Variants in LEKR1 observed in about 807,000 individuals in gnomAD.
The protein encoded by LEKR1 is protein LEKR1.
Under a neutral mutation model 72.4 loss-of-function variants are expected in LEKR1, and 59 were observed. The ratio of observed to expected loss-of-function variants is 0.82; its 90% CI spans 0.66 to 1.01. The LOEUF is 1.01. LEKR1 is among the 50% of genes least tolerant of loss of function. The pLI is 0.00. For synonymous variants in LEKR1, 257 were observed against 263.2 expected (o/e 0.98, Z 0.23); for missense variants, 728 against 759.2 (o/e 0.96, Z 0.48).
At position 157,028,007 on chromosome 3, in the gene LEKR1, C is replaced by T. The variant is rs1488212937; in HGVS notation, c.1369-96C>T. On this transcript the variant is annotated intron_variant, in intron 11 of 12. Coordinates refer to ENST00000356539, the MANE Select transcript of LEKR1 (RefSeq NM_001004316.3). ...TTGGTTTCATCTGATCAAGTGAGTA[C>T]ACTGATTAATGAAAATAAACCTCTT... 6 of 799,012 alleles carry T rather than the reference C, an allele frequency of 7.5e-6. No homozygotes were observed. In the East Asian group the frequency reaches 1.3e-4, roughly 17 times the overall value. The allele number at this position is 799,012 out of a possible 1,614,324, so 49.5% of individuals were successfully genotyped here.
intron 3 of LEKR1, among the ~76,000 whole-genome samples, chr3:156,896,125 C>T (rs1054378718): frequency 5.3e-5 from 8 of 152,090 alleles, no homozygotes; most frequent in Non-Finnish European, 8.8e-5. Flanking sequence ...CCAAGCACCA[C>T]GTGTTCTCAC....
chr3:156,850,385 G>C (rs1715205481), intron 2 of LEKR1, among the ~76,000 whole-genome samples: 1 of 152,134 alleles, frequency 6.6e-6, no homozygotes, highest in African/African-American at 2.4e-5. Context: ...GGAGAAAAGA[G>C]AAAATAGTAG....
rs139343234 is a variant in LEKR1, at chr3:156,858,774, T to C, written c.263+5792T>C. ...GTCTTTGGTTAATTTATTTTCAGTC[T>C]CTTTTTCTAATAAATAAATTTAAAG... On this transcript the variant is annotated intron_variant, in intron 3 of 12. Transcript: ENST00000356539. 1.9e-4 allele frequency among the ~76,000 whole-genome samples: 29 copies of C among 152,288 alleles called. No homozygotes were observed. The East Asian group carries it at 5.6e-3, about 29-fold the overall frequency.
intron 6 of LEKR1, among the ~76,000 whole-genome samples, chr3:156,976,272 G>A (rs1434791919): frequency 6.6e-6 from 1 of 152,070 alleles, no homozygotes; most frequent in African/African-American, 2.4e-5. Flanking sequence ...TACATATCAA[G>A]TACCAGTTCT....
At chr3:156,911,375 G>C (rs927184596) in intron 3 of LEKR1, among the ~76,000 whole-genome samples, 44 of 151,956 alleles carry the variant, frequency 2.9e-4, no homozygotes, top group Admixed American at 2.1e-3. Context: ...TTGTTGAATT[G>C]TTTAAATTCC....
chr3:156,926,650 C>A (rs1724744608), intron 4 of LEKR1, among the ~76,000 whole-genome samples: 2 of 151,980 alleles, frequency 1.3e-5, no homozygotes, highest in Admixed American at 1.3e-4. Context: ...ATTTCTCCAA[C>A]TGAGGAGGAA....
At chr3:157,036,178 G>A (rs1393236377) in intron 12 of LEKR1, among the ~76,000 whole-genome samples, 1 of 152,068 alleles carries the variant, frequency 6.6e-6, no homozygotes, top group African/African-American at 2.4e-5. Context: ...GGGAGCAAAA[G>A]AGAGCTTAAA....
chr3:156,869,266 A>C lies in LEKR1; in HGVS notation c.263+16284A>C, dbSNP rs201801129. Reference sequence around the variant, plus strand: ...CAGTACTGTTTTTAGTGTTTTGAGAAATCTCCATACTGTTTTCTATAGTGG... The same window carrying C: ...CAGTACTGTTTTTAGTGTTTTGAGACATCTCCATACTGTTTTCTATAGTGG... On this transcript the variant is annotated intron_variant, in intron 3 of 12. Coordinates refer to ENST00000356539, the MANE Select transcript of LEKR1 (RefSeq NM_001004316.3). Among the ~76,000 whole-genome samples the C allele has an allele frequency of 2.0e-5, 3 of 152,100 alleles. No homozygotes were observed. In the East Asian group the frequency reaches 5.8e-4, roughly 29 times the overall value.
At chr3:156,912,340 AT>A (rs1723194232) in intron 3 of LEKR1, among the ~76,000 whole-genome samples, 1 of 152,114 alleles carries the variant, frequency 6.6e-6, no homozygotes, top group Admixed American at 6.5e-5. Flanking sequence ...CACTGGGATA[AT>A]ATTCCAGGAA....
intron 6 of LEKR1, among the ~76,000 whole-genome samples, chr3:156,950,657 T>C (rs73027782): frequency 0.019 from 2,946 of 151,446 alleles, 104 homozygotes; most frequent in African/African-American, 0.066. Context: ...GTTCCTGATA[T>C]GGCTTTTGGC....
At chr3:156,837,502 G>A (rs1713304957) in intron 2 of LEKR1, among the ~76,000 whole-genome samples, 1 of 152,204 alleles carries the variant, frequency 6.6e-6, no homozygotes, top group African/African-American at 2.4e-5. Flanking sequence ...TTTGTTTCAG[G>A]GACGTGCAGC....
At chr3:156,971,517 G>A (rs968130381) in intron 6 of LEKR1, among the ~76,000 whole-genome samples, 2 of 152,094 alleles carry the variant, frequency 1.3e-5, no homozygotes, top group Non-Finnish European at 2.9e-5. Context: ...AAGAGCTTCT[G>A]CACAGCAAAA....
intron 3 of LEKR1, among the ~76,000 whole-genome samples, chr3:156,880,405 AT>A (rs1719151424): frequency 6.6e-6 from 1 of 152,262 alleles, no homozygotes; most frequent in Non-Finnish European, 1.5e-5. Context: ...TCTAGAAGAA[AT>A]GGATAAATTC....
At chr3:156,855,447 T>C (rs989444767) in intron 3 of LEKR1, among the ~76,000 whole-genome samples, 1 of 152,242 alleles carries the variant, frequency 6.6e-6, no homozygotes, top group South Asian at 2.1e-4. Context: ...TATACACATA[T>C]ATTGACCATG....
intron 4 of LEKR1, chr3:156,925,217 T>C (rs1724593598): frequency 6.6e-6 from 1 of 152,116 alleles, no homozygotes; most frequent in Non-Finnish European, 1.5e-5. Flanking sequence ...GGATTGGTCA[T>C]TGTTAATATA....
chr3:156,899,283 TACATGTATATATACATATATACATACAC>T (rs1560063167), intron 3 of LEKR1, among the ~76,000 whole-genome samples: 29 of 146,796 alleles, frequency 2.0e-4, no homozygotes, highest in Non-Finnish European at 1.3e-4. Context: ...TGTATATATA[TACATGTATATATACATATATACATACAC>T]ACATGTATAT....
At chr3:156,866,402 T>C (rs1455947780) in intron 3 of LEKR1, among the ~76,000 whole-genome samples, 1 of 152,054 alleles carries the variant, frequency 6.6e-6, no homozygotes, top group African/African-American at 2.4e-5. Context: ...GAGGACAGGC[T>C]GGAGGCAGAT....
intron 2 of LEKR1, among the ~76,000 whole-genome samples, chr3:156,833,494 A>T (rs1487353456): frequency 6.6e-6 from 1 of 152,230 alleles, no homozygotes; most frequent in Non-Finnish European, 1.5e-5. Flanking sequence ...ATTACTGATA[A>T]CATACACTAA....
At chr3:156,929,702 A>G (rs896317775) in intron 5 of LEKR1, among the ~76,000 whole-genome samples, 2 of 152,126 alleles carry the variant, frequency 1.3e-5, no homozygotes, top group Non-Finnish European at 2.9e-5. Flanking sequence ...ACTTATGTTA[A>G]AGGGACTGTT....
Sources: allele counts gnomAD v4.1 joint callset (sites outside exome capture counted in the v4.1 genomes callset), GRCh38; gene constraint gnomAD v4.1.1; transcripts MANE v1.5; gene names NCBI Gene and HGNC (gene_info 2026-07-23, HGNC 2026-07-21).